The following ITK variants were observed in gnomAD, a reference collection of about 807,000 sequenced individuals.
ITK encodes IL2 inducible T cell kinase, also known as tyrosine-protein kinase ITK/TSK.
ITK carries 45 observed loss-of-function variants against 87.6 expected under a neutral mutation model. The observed-to-expected ratio is 0.51, with a 90% confidence interval of 0.40 to 0.66. The LOEUF (loss-of-function observed/expected upper bound fraction) is 0.66, where lower values mean the gene tolerates loss of function less well. Among genes scored for constraint, ITK ranks in the 30% least tolerant of loss-of-function variants. The pLI is 0.00. For synonymous variants in ITK, 303 were observed against 273.6 expected (o/e 1.11, Z -1.06); for missense variants, 605 against 766.3 (o/e 0.79, Z 2.48).
rs1260493773 is a variant in ITK, at chr5:157,252,692, C to T, written c.*14C>T. On this transcript the variant is annotated 3_prime_UTR_variant, in exon 17 of 17. Coordinates refer to ENST00000422843, the MANE Select transcript of ITK (RefSeq NM_005546.4). ...TCAGGACTTTAGTAGAGACTGAGTA[C>T]CAGGCCACGGGCTGCAGATCCTGAA... The T allele has an allele frequency of 6.3e-7, 1 of 1,588,498 alleles. No homozygotes were observed. The highest frequency in any genetic ancestry group is 8.6e-7 in the Non-Finnish European group (1 of 1,156,610).
At chr5:157,211,746 A>G (rs748500348) in intron 3 of ITK, among the ~76,000 whole-genome samples, 2 of 152,254 alleles carry the variant, frequency 1.3e-5, no homozygotes, top group Non-Finnish European at 2.9e-5. Context: ...GAAGCAGAGC[A>G]TAGGCCCTCA....
Position 157,239,581 on chromosome 5 carries a change from G to A in ITK, c.852-481G>A, listed in dbSNP as rs118140208. Among the ~76,000 whole-genome samples, 243 of 152,028 alleles carry A rather than the reference G, an allele frequency of 1.6e-3. 3 individuals are homozygous for A. In the East Asian group the frequency reaches 0.032, roughly 20 times the overall value. On this transcript the variant is annotated intron_variant, in intron 9 of 16. Coordinates refer to ENST00000422843, the MANE Select transcript of ITK (RefSeq NM_005546.4). Reference sequence around the variant, plus strand: ...TATCAGTTAGGGAAAGAGCCCTCCCGAAATCCAAGTTCCCAAACACCAGCC... The same window carrying A: ...TATCAGTTAGGGAAAGAGCCCTCCCAAAATCCAAGTTCCCAAACACCAGCC...
In ITK at chr5:157,227,733, C is replaced by T. The variant is rs561661289; in HGVS notation, c.648-563C>T. ...GCAAACAGAGCTTTTTAAGTAAAAT[C>T]GCCACTTCTTTTTTTATTATGTTTC... On this transcript the variant is annotated intron_variant, in intron 6 of 16. Transcript: ENST00000422843. 4.0e-4 allele frequency among the ~76,000 whole-genome samples: 60 copies of T among 151,436 alleles called. 1 individual carries two copies. Among genetic ancestry groups the T allele is most frequent in the Non-Finnish European group, 3.8e-4 (26 of 67,852 alleles).
At chr5:157,238,049 T>C (rs1754812236) in intron 8 of ITK, 60 bp from the exon 9 acceptor site, 2 of 1,263,556 alleles carry the variant, frequency 1.6e-6, no homozygotes, top group Admixed American at 3.4e-5. Context: ...AAAGTGGAGC[T>C]GGAGGCATAA....
chr5:157,242,361 C>T (rs1329071900), intron 11 of ITK, among the ~76,000 whole-genome samples: 1 of 152,158 alleles, frequency 6.6e-6, no homozygotes, highest in African/African-American at 2.4e-5. Flanking sequence ...TATCTCCTAG[C>T]TTGGTGGTTC....
intron 1 of ITK, among the ~76,000 whole-genome samples, chr5:157,186,485 G>A (rs774758545): frequency 2.6e-5 from 4 of 152,086 alleles, no homozygotes; most frequent in Non-Finnish European, 4.4e-5. Flanking sequence ...GAGCAGCCTG[G>A]CTAATATGGT....
chr5:157,214,790 A>T (rs1324166112), intron 4 of ITK, among the ~76,000 whole-genome samples: 1 of 152,212 alleles, frequency 6.6e-6, no homozygotes, highest in Non-Finnish European at 1.5e-5. Context: ...AAATTTAATT[A>T]CACAAATTCA....
chr5:157,220,493 T>C (rs1467842835), intron 5 of ITK, among the ~76,000 whole-genome samples: 1 of 152,170 alleles, frequency 6.6e-6, no homozygotes, highest in East Asian at 1.9e-4. Context: ...CACTGCTACC[T>C]GGGCTCTCTG....
At chr5:157,242,842 G>A (rs1347199287) in intron 11 of ITK, among the ~76,000 whole-genome samples, 1 of 152,168 alleles carries the variant, frequency 6.6e-6, no homozygotes, top group Non-Finnish European at 1.5e-5. Flanking sequence ...TGCCACGCAT[G>A]GGCTTCTTTA....
intron 11 of ITK, 80 bp downstream of exon 11, chr5:157,241,800 C>T (rs1455352121): frequency 1.4e-5 from 14 of 970,880 alleles, no homozygotes; most frequent in Non-Finnish European, 2.1e-5. Context: ...CATGAGCCTA[C>T]CTGTTCCTCA....
rs560100924 is a variant in ITK at position 157,209,140 on chromosome 5, C to G, written c.243+147C>G. The G allele has an allele frequency of 2.2e-4, 152 of 696,896 alleles. 2 individuals are homozygous for G. In the South Asian group the frequency reaches 2.2e-3, roughly 10 times the overall value. 43.2% of individuals were successfully genotyped at this position (696,896 alleles called of 1,614,324 possible). ...CACGAGGTCAGGAGTTCAAGACCAG[C>G]CTGGCCAACATGAAACCCCATCTCT... On this transcript the variant is annotated intron_variant, in intron 2 of 16. Transcript: ENST00000422843.
At chr5:157,233,964 T>TATATATATATATATATATA (rs1491125187) in intron 8 of ITK, among the ~76,000 whole-genome samples, 40 of 16,866 alleles carry the variant, frequency 2.4e-3, no homozygotes, top group South Asian at 6.8e-3. Context: ...TATATATATA[T>TATATATATATATATATATA]TTTTTTTTTT....
chr5:157,205,837 C>T (rs1203697800), intron 1 of ITK, among the ~76,000 whole-genome samples: 1 of 152,060 alleles, frequency 6.6e-6, no homozygotes, highest in African/African-American at 2.4e-5. Context: ...TTATTGAAAG[C>T]CTTTTCTGCA....
intron 1 of ITK, among the ~76,000 whole-genome samples, chr5:157,183,750 G>T (rs998328024): frequency 2.6e-4 from 40 of 152,000 alleles, no homozygotes; most frequent in Admixed American, 3.3e-4. Context: ...CCCCTCTTAG[G>T]GTGTCGGGTG....
chr5:157,196,879 G>T (rs147461266), intron 1 of ITK, among the ~76,000 whole-genome samples: 10 of 152,288 alleles, frequency 6.6e-5, no homozygotes, highest in Non-Finnish European at 1.3e-4. Context: ...CTGGGAGGAA[G>T]GTCTTTGAAG....
chr5:157,205,176 C>A (rs899184428), intron 1 of ITK, among the ~76,000 whole-genome samples: 3 of 152,090 alleles, frequency 2.0e-5, no homozygotes, highest in Non-Finnish European at 4.4e-5. Context: ...ATTTTATTCC[C>A]CAATCAACTC....
intron 9 of ITK, 131 bp downstream of exon 9, chr5:157,238,322 T>C: frequency 1.3e-6 from 1 of 748,322 alleles, no homozygotes; most frequent in Non-Finnish European, 2.4e-6. Flanking sequence ...TTTCCCTCTT[T>C]ACTCCGAGAA....
intron 1 of ITK, among the ~76,000 whole-genome samples, chr5:157,197,460 C>G (rs866570748): frequency 1.3e-5 from 2 of 152,342 alleles, no homozygotes; most frequent in African/African-American, 4.8e-5. Flanking sequence ...CTGCTTCACA[C>G]TCTCTGTAAA....
intron 3 of ITK, among the ~76,000 whole-genome samples, chr5:157,212,529 A>C (rs1033524185): frequency 5.9e-5 from 9 of 152,152 alleles, no homozygotes; most frequent in African/African-American, 2.2e-4. Flanking sequence ...AGTAAGAAGT[A>C]ATCAAAATGG....
Sources: allele counts gnomAD v4.1 joint callset (sites outside exome capture counted in the v4.1 genomes callset), GRCh38; gene constraint gnomAD v4.1.1; transcripts MANE v1.5; gene names NCBI Gene and HGNC (gene_info 2026-07-23, HGNC 2026-07-21).